Variants in SELENOT observed in about 807,000 individuals in gnomAD.
The protein encoded by SELENOT is selenoprotein T.
In SELENOT, 9 loss-of-function variants were observed where a neutral mutation model predicts 24.3. The observed-to-expected ratio is 0.37, with a 90% CI of 0.22 to 0.65. The LOEUF (loss-of-function observed/expected upper bound fraction) is 0.65, where lower values mean the gene tolerates loss of function less well. Ranked by LOEUF, SELENOT falls within the 30% of genes least tolerant of loss-of-function variation. The probability of loss-of-function intolerance (pLI) is 0.60; values close to 1 mark genes in which losing one functional copy is unlikely to be tolerated. For synonymous variants in SELENOT, 81 were observed against 86.0 expected (o/e 0.94, Z 0.32); for missense variants, 166 against 247.6 (o/e 0.67, Z 2.21).
At chr3:150,622,969 C>T (rs1478846988) in intron 2 of SELENOT, 74 bp from the exon 3 acceptor site, 15 of 1,323,700 alleles carry the variant, frequency 1.1e-5, no homozygotes, top group Non-Finnish European at 1.5e-5. Context: ...TCTTTACATA[C>T]ACTTGAATTA....
intron 1 of SELENOT, among the ~76,000 whole-genome samples, chr3:150,613,810 C>T (rs1229219102): frequency 1.3e-5 from 2 of 151,104 alleles, no homozygotes; most frequent in South Asian, 4.2e-4. Flanking sequence ...TTGATTGATT[C>T]ACAGGTTTTT....
chr3:150,609,999 C>T (rs1420034067), intron 1 of SELENOT, among the ~76,000 whole-genome samples: 3 of 152,130 alleles, frequency 2.0e-5, no homozygotes, highest in Admixed American at 6.5e-5. Context: ...AATTACATTA[C>T]ATTAGAGAAT....
At chr3:150,618,852 A>C (rs1439119329) in intron 1 of SELENOT, 2 of 152,170 alleles carry the variant, frequency 1.3e-5, no homozygotes, top group Admixed American at 1.3e-4. Flanking sequence ...GCACAAAACC[A>C]ATTTGAAATA....
intron 1 of SELENOT, chr3:150,614,633 G>C (rs1726172311): frequency 6.5e-6 from 1 of 154,090 alleles, no homozygotes; most frequent in South Asian, 2.0e-4. Context: ...AACCTTGATA[G>C]GTATAGGAAA....
chr3:150,616,286 A>G (rs531595966), intron 1 of SELENOT, among the ~76,000 whole-genome samples: 9 of 139,684 alleles, frequency 6.4e-5, no homozygotes, highest in Admixed American at 2.2e-4. Flanking sequence ...GGACATAGGC[A>G]TGGGCAAGGA....
At chr3:150,617,273 G>A (rs1028212614) in intron 1 of SELENOT, among the ~76,000 whole-genome samples, 1 of 151,932 alleles carries the variant, frequency 6.6e-6, no homozygotes, top group Non-Finnish European at 1.5e-5. Context: ...CTCTTATTTA[G>A]TAATGATGGA....
intron 1 of SELENOT, among the ~76,000 whole-genome samples, chr3:150,610,734 C>G (rs1208506049): frequency 6.6e-6 from 1 of 152,192 alleles, no homozygotes; most frequent in Admixed American, 6.5e-5. Flanking sequence ...AAATGTTTTA[C>G]TAACATTTAA....
At chr3:150,625,525 T>C (rs1333198914) in intron 4 of SELENOT, among the ~76,000 whole-genome samples, 1 of 152,172 alleles carries the variant, frequency 6.6e-6, no homozygotes, top group Non-Finnish European at 1.5e-5. Flanking sequence ...TCATCTTAAC[T>C]GCCACCACCC....
intron 3 of SELENOT, among the ~76,000 whole-genome samples, chr3:150,624,555 T>TA (rs1192593205): frequency 5.9e-5 from 9 of 152,198 alleles, no homozygotes; most frequent in African/African-American, 2.4e-5. Context: ...AGTGAACTCT[T>TA]ATGCTTGTAT....
chr3:150,618,417 G>A (rs1726266385), intron 1 of SELENOT, among the ~76,000 whole-genome samples: 1 of 152,164 alleles, frequency 6.6e-6, no homozygotes, highest in Non-Finnish European at 1.5e-5. Flanking sequence ...CTTTTAATGA[G>A]GATGCGAGAG....
In SELENOT at chr3:150,621,614, C is replaced by CTTTTTTTT. The variant is rs35489270; in HGVS notation, c.138-756_138-749dup. On this transcript the variant is annotated intron_variant, in intron 1 of 5. Coordinates refer to ENST00000471696, the MANE Select transcript of SELENOT (RefSeq NM_016275.5). ...CATATGCACTCTGGTGGCATATTTC[C>CTTTTTTTT]TTTTTTTTTTTTTTTTTTTTTTGCT... Among the ~76,000 whole-genome samples the CTTTTTTTT allele has an allele frequency of 3.4e-4, 27 of 80,574 alleles. 2 individuals are homozygous for CTTTTTTTT. The highest frequency in any genetic ancestry group is 6.0e-4 in the Admixed American group (3 of 4,996). The allele number at this position is 80,574 out of a possible 152,430, so 52.9% of individuals were successfully genotyped here.
At chr3:150,603,699 A>G in intron 1 of SELENOT, 200 bp downstream of exon 1, 2 of 567,766 alleles carry the variant, frequency 3.5e-6, no homozygotes, top group South Asian at 2.4e-5. Context: ...ATAACTGCTC[A>G]CTTGTTTTTT....
intron 1 of SELENOT, among the ~76,000 whole-genome samples, chr3:150,618,427 G>A (rs1726266794): frequency 6.6e-6 from 1 of 152,192 alleles, no homozygotes; most frequent in Non-Finnish European, 1.5e-5. Context: ...GGATGCGAGA[G>A]ATTGGGGTTT....
At chr3:150,621,079 A>C (rs1726331779) in intron 1 of SELENOT, among the ~76,000 whole-genome samples, 1 of 152,192 alleles carries the variant, frequency 6.6e-6, no homozygotes, top group African/African-American at 2.4e-5. Context: ...TAAAAAGTAC[A>C]ACAATGGTAA....
chr3:150,626,675 C>T (rs1324274473), intron 4 of SELENOT, among the ~76,000 whole-genome samples: 2 of 152,188 alleles, frequency 1.3e-5, no homozygotes, highest in Non-Finnish European at 2.9e-5. Flanking sequence ...TGAATCCCCA[C>T]TCTGTCTTGG....
At chr3:150,619,589 T>G (rs1002217802) in intron 1 of SELENOT, among the ~76,000 whole-genome samples, 3 of 152,148 alleles carry the variant, frequency 2.0e-5, no homozygotes, top group Non-Finnish European at 4.4e-5. Flanking sequence ...GGACATTTAG[T>G]CCGGAGCAGA....
rs1171981422 is a variant in SELENOT, at chr3:150,626,904, C to T, written c.464-106C>T. 18 of 1,198,070 alleles carry T rather than the reference C, an allele frequency of 1.5e-5. No individual in the cohort carries two copies. The East Asian group carries it at 2.8e-4, about 19-fold the overall frequency. The allele number at this position is 1,198,070 out of a possible 1,614,324, so 74.2% of individuals were successfully genotyped here. Reference sequence around the variant, plus strand: ...AGCAAGCAGTGTACTTTTTTGCCTACTTTTGTATCCCAGTTGTGTACATAG... The same window carrying T: ...AGCAAGCAGTGTACTTTTTTGCCTATTTTTGTATCCCAGTTGTGTACATAG... On this transcript the variant is annotated intron_variant, in intron 4 of 5. Coordinates refer to ENST00000471696, the MANE Select transcript of SELENOT (RefSeq NM_016275.5).
Position 150,628,344 on chromosome 3 carries a change from A to G in SELENOT, c.*715A>G, listed in dbSNP as rs1356600389. ...ATTGATTAATTAACTGGGCCTTTAT[A>G]CTTAACTAAATAAAAAACTAAGCAG... On this transcript the variant is annotated 3_prime_UTR_variant, in exon 6 of 6. Transcript: ENST00000471696. 1 of 152,634 alleles carries G rather than the reference A, an allele frequency of 6.6e-6. No individual in the cohort carries two copies. The highest frequency in any genetic ancestry group is 1.5e-5 in the Non-Finnish European group (1 of 68,018). The allele number at this position is 152,634 out of a possible 1,614,324, so 9.5% of individuals were successfully genotyped here.
chr3:150,622,385 T>TTATTTTTCTGCA lies in SELENOT; in HGVS notation c.138_139insTATTTTTCTGCA (p.Cys46_Val47insTyrPheSerAla). Reference sequence around the variant, plus strand: ...AATGGAAACACTTATTTTTCTGCAGTGTTTCCTGAGGTTATAGGCGGGTGT... The same window carrying TTATTTTTCTGCA: ...AATGGAAACACTTATTTTTCTGCAGTTATTTTTCTGCAGTTTCCTGAGGTTATAGGCGGGTGT... On this transcript the variant is annotated inframe_insertion and splice_region_variant, in exon 2 of 6. Transcript: ENST00000471696. 1 of 1,388,058 alleles carries TTATTTTTCTGCA rather than the reference T, an allele frequency of 7.2e-7. No individual in the cohort carries two copies. The allele number at this position is 1,388,058 out of a possible 1,614,324, so 86.0% of individuals were successfully genotyped here.
Sources: allele counts gnomAD v4.1 joint callset (sites outside exome capture counted in the v4.1 genomes callset), GRCh38; gene constraint gnomAD v4.1.1; transcripts MANE v1.5; gene names NCBI Gene and HGNC (gene_info 2026-07-23, HGNC 2026-07-21).